DGUOK: variants seen among roughly 807,000 people sequenced by gnomAD.
DGUOK encodes the protein deoxyguanosine kinase, also known as deoxyguanosine kinase, mitochondrial.
In DGUOK, 30 loss-of-function variants were observed where a neutral mutation model predicts 36.6. That is an observed-to-expected ratio of 0.82 (90% confidence interval 0.61 to 1.11). DGUOK has a LOEUF of 1.11. DGUOK is among the 50% of genes most tolerant of loss of function. The pLI is 0.00. For missense variants in DGUOK, 361 were observed against 336.4 expected (o/e 1.07, Z -0.57); for synonymous variants, 145 against 126.3 (o/e 1.15, Z -0.99).
intron 4 of DGUOK, among the ~76,000 whole-genome samples, chr2:73,956,627 G>A (rs1683114649): frequency 1.3e-5 from 2 of 152,178 alleles, no homozygotes; most frequent in East Asian, 3.8e-4. Flanking sequence ...CCTTATGAAG[G>A]CAGGAATTTA....
At chr2:73,955,603 G>A (rs1298389847) in intron 4 of DGUOK, among the ~76,000 whole-genome samples, 1 of 152,204 alleles carries the variant, frequency 6.6e-6, no homozygotes, top group Non-Finnish European at 1.5e-5. Flanking sequence ...GGCCGGGCAC[G>A]GTGGCTCACG....
chr2:73,931,584 TG>T (rs1327698771), intron 1 of DGUOK, among the ~76,000 whole-genome samples: 3 of 152,228 alleles, frequency 2.0e-5, no homozygotes, highest in African/African-American at 7.2e-5. Flanking sequence ...TTTATCCTGT[TG>T]GCAGTGGGAG....
intron 1 of DGUOK, among the ~76,000 whole-genome samples, chr2:73,934,754 C>CA (rs70965770): frequency 0.55 from 67,179 of 121,900 alleles, 20,072 homozygotes; most frequent in Non-Finnish European, 0.69. Flanking sequence ...GACTCTGTCT[C>CA]AAAAAAAAAA....
At chr2:73,949,547 C>G (rs972320620) in intron 3 of DGUOK, among the ~76,000 whole-genome samples, 5 of 152,106 alleles carry the variant, frequency 3.3e-5, no homozygotes, top group Non-Finnish European at 5.9e-5. Context: ...AGGTGACTTG[C>G]CTGAAGTTAC....
chr2:73,952,878 A>T (rs2104974200), intron 4 of DGUOK, among the ~76,000 whole-genome samples: 1 of 152,284 alleles, frequency 6.6e-6, no homozygotes, highest in South Asian at 2.1e-4. Flanking sequence ...AGAATGCCTG[A>T]AACTGGTTAA....
chr2:73,938,210 T>G (rs1363558409), intron 1 of DGUOK, among the ~76,000 whole-genome samples: 1 of 152,218 alleles, frequency 6.6e-6, no homozygotes. Context: ...TTCAGGTCTT[T>G]GCATATGCTA....
chr2:73,932,698 C>A, intron 1 of DGUOK: 3 of 1,248,000 alleles, frequency 2.4e-6, no homozygotes, highest in Non-Finnish European at 3.1e-6. Flanking sequence ...GTTTAGAGGG[C>A]TTTTCTTGTA....
At position 73,939,010 on chromosome 2, in the gene DGUOK, T is replaced by C. The variant is rs200731234; in HGVS notation, c.243T>C (p.Ala81=). Residue 81 remains alanine, a synonymous_variant, in exon 2 of 7, where the codon GCT becomes GCC. Transcript: ENST00000264093. ...PVATWQNIQA[A]GTQKACTAQS... ...CAACATGGCAGAATATCCAGGCTGC[T>C]GGCACCCAAAAAGTAAGTTTTTAGT... The C allele has an allele frequency of 6.2e-7, 1 of 1,613,770 alleles. No homozygotes were observed. Among genetic ancestry groups the C allele is most frequent in the East Asian group, 2.2e-5 (1 of 44,878 alleles).
chr2:73,947,102 T>A (rs1682393492), intron 3 of DGUOK, 196 bp downstream of exon 3: 6 of 642,524 alleles, frequency 9.3e-6, no homozygotes, highest in Non-Finnish European at 1.6e-5. Flanking sequence ...GAAAGGAAAT[T>A]GGGTTTTTCA....
At position 73,958,138 on chromosome 2, in the gene DGUOK, T is replaced by G. The variant is rs375267143; in HGVS notation, c.708-8T>G. The G allele has an allele frequency of 6.2e-7, 1 of 1,612,100 alleles. No individual in the cohort carries two copies. Among genetic ancestry groups the G allele is most frequent in the African/African-American group, 1.3e-5 (1 of 74,896 alleles). The stretch of plus-strand genomic sequence containing the variant: ...TTTCTGTCCCCCAAACGTTCACGCT[T>G]CTTATAGGCTCCACTTTGAGGCTCT... On this transcript the variant is annotated splice_polypyrimidine_tract_variant and splice_region_variant and intron_variant, in intron 5 of 6. Coordinates refer to ENST00000264093, the MANE Select transcript of DGUOK (RefSeq NM_080916.3).
intron 3 of DGUOK, among the ~76,000 whole-genome samples, chr2:73,948,397 G>A (rs1682484233): frequency 6.6e-6 from 1 of 152,216 alleles, no homozygotes; most frequent in African/African-American, 2.4e-5. Flanking sequence ...TGATTACACT[G>A]TGGGCATACA....
intron 3 of DGUOK, among the ~76,000 whole-genome samples, chr2:73,948,408 A>G (rs1336092950): frequency 3.3e-5 from 5 of 152,252 alleles, no homozygotes; most frequent in African/African-American, 4.8e-5. Flanking sequence ...TGGGCATACA[A>G]CATTCCAGGT....
intron 2 of DGUOK, among the ~76,000 whole-genome samples, chr2:73,941,951 C>T (rs1280933106): frequency 2.6e-5 from 4 of 151,302 alleles, no homozygotes; most frequent in Admixed American, 2.6e-4. Flanking sequence ...CCTTGTCGCC[C>T]AGGCTGGAGT....
At position 73,938,045 on chromosome 2, in the gene DGUOK, C is replaced by T. The variant is rs1681602490; in HGVS notation, c.143-865C>T. Among the ~76,000 whole-genome samples, 3 of 152,296 alleles carry T rather than the reference C, an allele frequency of 2.0e-5. No homozygotes were observed. The South Asian group carries it at 6.2e-4, about 32-fold the overall frequency. ...ATAGAATTCAGTCTTCTTACCATAA[C>T]TACAAAGCCCTGTATGACCTGGCCC... On this transcript the variant is annotated intron_variant, in intron 1 of 6. Transcript: ENST00000264093.
At chr2:73,934,804 G>A (rs1558646321) in intron 1 of DGUOK, among the ~76,000 whole-genome samples, 1 of 149,438 alleles carries the variant, frequency 6.7e-6, no homozygotes, top group Non-Finnish European at 1.5e-5. Flanking sequence ...CCGGCGCAGT[G>A]GCTCACGCCT....
chr2:73,956,592 G>T (rs1026081274), intron 4 of DGUOK, among the ~76,000 whole-genome samples: 20 of 152,130 alleles, frequency 1.3e-4, no homozygotes, highest in African/African-American at 4.8e-4. Context: ...GGAAATAGAA[G>T]CCCACAAGGA....
chr2:73,957,399 G>A (rs1380777462), intron 5 of DGUOK, among the ~76,000 whole-genome samples, 159 bp downstream of exon 5: 1 of 152,188 alleles, frequency 6.6e-6, no homozygotes, highest in Non-Finnish European at 1.5e-5. Context: ...GTTTAATATT[G>A]CTGGACACCG....
chr2:73,957,988 A>G (rs1301636565), intron 5 of DGUOK, 158 bp from the exon 6 acceptor site: 1 of 611,030 alleles, frequency 1.6e-6, no homozygotes, highest in Admixed American at 2.4e-5. Flanking sequence ...GGCCAACTTT[A>G]TTGAATTTGT....
chr2:73,931,095 C>T (rs1477763771), intron 1 of DGUOK, among the ~76,000 whole-genome samples: 1 of 151,984 alleles, frequency 6.6e-6, no homozygotes, highest in Admixed American at 6.6e-5. Flanking sequence ...CGTGCCTGGC[C>T]GACTCGACAT....
Sources: gnomAD v4.1 joint callset for allele counts (sites outside exome capture counted in the v4.1 genomes callset) on GRCh38, gnomAD v4.1.1 for gene constraint, MANE v1.5 for transcripts, NCBI Gene and HGNC (gene_info 2026-07-23, HGNC 2026-07-21) for gene names.